The following INPP4B variants were observed in gnomAD, a reference collection of about 807,000 sequenced individuals.
INPP4B encodes the protein inositol polyphosphate 4-phosphatase type II.
INPP4B carries 55 observed loss-of-function variants against 122.5 expected under a neutral mutation model. That is an observed-to-expected ratio of 0.45 (90% CI 0.36 to 0.56). The LOEUF (loss-of-function observed/expected upper bound fraction) is 0.56. Among genes scored for constraint, INPP4B ranks in the 20% least tolerant of loss-of-function variants. The pLI is 0.00. For missense variants in INPP4B, 1,000 were observed against 1,097.7 expected, an observed-to-expected ratio of 0.91 and a Z score of 1.26; for synonymous variants, 403 against 388.7, an observed-to-expected ratio of 1.04 and a Z score of -0.43.
intron 10 of INPP4B, among the ~76,000 whole-genome samples, chr4:142,263,175 C>T (rs1336364854): frequency 6.6e-6 from 1 of 152,216 alleles, no homozygotes; most frequent in Admixed American, 6.5e-5. Context: ...AGCTGATCAT[C>T]TCTGCTGCAG....
At chr4:142,380,782 T>C (rs1396669563) in intron 7 of INPP4B, among the ~76,000 whole-genome samples, 2 of 152,056 alleles carry the variant, frequency 1.3e-5, no homozygotes, top group Non-Finnish European at 2.9e-5. Context: ...ATCATGTAAA[T>C]GTAAACAAAA....
chr4:142,216,492 A>T (rs945914336), intron 12 of INPP4B, among the ~76,000 whole-genome samples: 2 of 152,212 alleles, frequency 1.3e-5, no homozygotes, highest in Admixed American at 6.5e-5. Flanking sequence ...TTCAGGAAAC[A>T]TCTAGTGCTC....
Position 142,104,415 on chromosome 4 carries a change from G to A in INPP4B, c.2374+3678C>T, listed in dbSNP as rs538615072. On this transcript the variant is annotated intron_variant, in intron 23 of 25. Coordinates refer to ENST00000262992, the MANE Select transcript of INPP4B (RefSeq NM_001101669.3). ...ATGTCTGAGATCATCAAGCCCAACA[G>A]GAAGATTAGAGTGACAAAAAGGAGA... is the stretch of plus-strand genomic sequence containing the variant. 6.6e-5 allele frequency among the ~76,000 whole-genome samples: 10 copies of A among 152,264 alleles called. No homozygotes were observed. In the East Asian group the frequency reaches 9.7e-4, roughly 15 times the overall value.
chr4:142,598,858 C>T (rs756234124), intron 2 of INPP4B, among the ~76,000 whole-genome samples: 12 of 152,260 alleles, frequency 7.9e-5, no homozygotes, highest in African/African-American at 1.9e-4. Flanking sequence ...CTACCACTAC[C>T]GCTGCTGCTA....
intron 14 of INPP4B, among the ~76,000 whole-genome samples, chr4:142,207,311 T>A (rs1842963493): frequency 6.6e-6 from 1 of 152,200 alleles, no homozygotes; most frequent in African/African-American, 2.4e-5. Flanking sequence ...CCCGGATGTG[T>A]GAATGTTGGA....
chr4:142,052,056 G>A (rs745512467), intron 25 of INPP4B, among the ~76,000 whole-genome samples: 17 of 151,918 alleles, frequency 1.1e-4, no homozygotes, highest in Non-Finnish European at 5.9e-5. Context: ...TGACACATTA[G>A]ACTGAAATAA....
At chr4:142,816,828 T>C in intron 1 of INPP4B, among the ~76,000 whole-genome samples, 1 of 152,096 alleles carries the variant, frequency 6.6e-6, no homozygotes, top group East Asian at 1.9e-4. Flanking sequence ...GAGTTCCAAA[T>C]ACCACTCTAG....
intron 20 of INPP4B, 111 bp from the exon 21 acceptor site, chr4:142,122,356 G>T: frequency 1.3e-6 from 1 of 795,328 alleles, no homozygotes; most frequent in Non-Finnish European, 2.1e-6. Context: ...ATGAGTTTCT[G>T]AATGCAGTGA....
intron 25 of INPP4B, among the ~76,000 whole-genome samples, chr4:142,062,772 AACAG>A (rs756939768): frequency 0.016 from 2,180 of 136,740 alleles, 31 homozygotes; most frequent in African/African-American, 0.023. Flanking sequence ...CAAACAAACA[AACAG>A]ACAAACAAAC....
At chr4:142,456,039 T>G (rs1430374051) in intron 3 of INPP4B, among the ~76,000 whole-genome samples, 2 of 152,046 alleles carry the variant, frequency 1.3e-5, no homozygotes, top group East Asian at 3.9e-4. Flanking sequence ...GATCCTTATA[T>G]ATTCTGATTA....
chr4:142,371,087 A>G (rs999165272), intron 7 of INPP4B, among the ~76,000 whole-genome samples: 1 of 152,136 alleles, frequency 6.6e-6, no homozygotes, highest in African/African-American at 2.4e-5. Context: ...AAAGACACAT[A>G]GACCAATGGA....
chr4:142,219,880 CT>C (rs1305689254), intron 12 of INPP4B, among the ~76,000 whole-genome samples: 2 of 152,164 alleles, frequency 1.3e-5, no homozygotes, highest in Non-Finnish European at 2.9e-5. Context: ...ATCAAGGTTA[CT>C]TTTGCATAGA....
At chr4:142,763,019 G>A (rs994343370) in intron 1 of INPP4B, among the ~76,000 whole-genome samples, 3 of 152,130 alleles carry the variant, frequency 2.0e-5, no homozygotes, top group Non-Finnish European at 4.4e-5. Flanking sequence ...ACCAAACACC[G>A]AATCTACTGC....
At chr4:142,620,784 T>C (rs984313304) in intron 2 of INPP4B, among the ~76,000 whole-genome samples, 2 of 152,018 alleles carry the variant, frequency 1.3e-5, no homozygotes, top group Non-Finnish European at 2.9e-5. Context: ...GTTCAAGTTT[T>C]TAATTGTTTC....
intron 17 of INPP4B, among the ~76,000 whole-genome samples, chr4:142,159,744 C>T (rs1005373583): frequency 2.3e-4 from 35 of 152,070 alleles, no homozygotes; most frequent in East Asian, 1.4e-3. Flanking sequence ...TTTCTCCCAT[C>T]ATATTCGGCC....
chr4:142,341,738 T>A (rs2151699248), intron 7 of INPP4B, among the ~76,000 whole-genome samples: 1 of 152,322 alleles, frequency 6.6e-6, no homozygotes, highest in Non-Finnish European at 1.5e-5. Flanking sequence ...AGCAAACTGG[T>A]ACTTATGGAC....
chr4:142,336,451 CA>C (rs1212344124), intron 7 of INPP4B, among the ~76,000 whole-genome samples: 1 of 152,220 alleles, frequency 6.6e-6, no homozygotes, highest in Non-Finnish European at 1.5e-5. Context: ...TCCGCCAAGC[CA>C]CGGGTGGCGG....
intron 2 of INPP4B, among the ~76,000 whole-genome samples, chr4:142,482,333 T>C (rs1820666108): frequency 6.6e-6 from 1 of 152,168 alleles, no homozygotes; most frequent in Non-Finnish European, 1.5e-5. Flanking sequence ...GAAGCCTATC[T>C]GTCTGGGTAG....
chr4:142,195,970 C>T (rs1838024276), intron 14 of INPP4B, among the ~76,000 whole-genome samples: 1 of 152,178 alleles, frequency 6.6e-6, no homozygotes, highest in African/African-American at 2.4e-5. Context: ...TCTCTGGGAA[C>T]AGAAACAGTC....
Sources: allele counts gnomAD v4.1 joint callset (sites outside exome capture counted in the v4.1 genomes callset), GRCh38; gene constraint gnomAD v4.1.1; transcripts MANE v1.5; gene names NCBI Gene and HGNC (gene_info 2026-07-23, HGNC 2026-07-21).